The following LRRIQ4 variants were observed in gnomAD, a reference collection of about 807,000 sequenced individuals.
The protein encoded by LRRIQ4 is leucine-rich repeat and IQ domain-containing protein 4.
In LRRIQ4, 21 loss-of-function variants were observed where a neutral mutation model predicts 40.1. The ratio of observed to expected loss-of-function variants is 0.52; its 90% CI spans 0.37 to 0.75. LRRIQ4 has a LOEUF of 0.75. Ranked by LOEUF, LRRIQ4 falls within the 30% of genes least tolerant of loss-of-function variation. The pLI is 0.00. For missense variants in LRRIQ4, 655 were observed against 660.0 expected (o/e 0.99, Z 0.08); for synonymous variants, 277 against 277.1 (o/e 1.00, Z 0.00).
At chr3:169,818,084 A>T (rs1296819893) in intron 1 of LRRIQ4, among the ~76,000 whole-genome samples, 1 of 152,188 alleles carries the variant, frequency 6.6e-6, no homozygotes, top group African/African-American at 2.4e-5. Flanking sequence ...GGGCTGGTCT[A>T]AATGCTCCCT....
At position 169,837,487 on chromosome 3, in the gene LRRIQ4, A is replaced by G. The variant is rs112011297; in HGVS notation, c.1539A>G (p.Ala513=). Residue 513 remains alanine (A), a synonymous_variant, in exon 6 of 6, where the codon GCA becomes GCG. Coordinates refer to ENST00000340806, the MANE Select transcript of LRRIQ4 (RefSeq NM_001080460.3). The part of the protein sequence containing the change: ...NRNIMATKIQ[A]WWRGTMVQRG... Reference sequence around the variant, plus strand: ...GTTTATCTTGTTTTCAGATTCAGGCATGGTGGCGTGGAACAATGGTACAGA... The same window carrying G: ...GTTTATCTTGTTTTCAGATTCAGGCGTGGTGGCGTGGAACAATGGTACAGA... 5.7e-3 allele frequency: 9,124 copies of G among 1,605,496 alleles called. 36 individuals carry two copies. Among genetic ancestry groups the G allele is most frequent in the Non-Finnish European group, 6.8e-3 (7,983 of 1,177,752 alleles).
rs756647335 is a variant in LRRIQ4 at position 169,830,477 on chromosome 3, C to G, written c.1195-15C>G. The G allele has an allele frequency of 6.7e-7, 1 of 1,484,950 alleles. No individual in the cohort carries two copies. The highest frequency in any genetic ancestry group is 1.2e-5 in the South Asian group (1 of 85,102). 92.0% of individuals were successfully genotyped at this position (1,484,950 alleles called of 1,614,324 possible). On this transcript the variant is annotated splice_polypyrimidine_tract_variant and intron_variant, in intron 3 of 5. Transcript: ENST00000340806. ...AATCAAGGTATATTATTATGGTACA[C>G]TCATGTTATTTCAGAGTCTCAAAGA... is the stretch of plus-strand genomic sequence containing the variant.
At chr3:169,827,593 C>T (rs959361092) in intron 2 of LRRIQ4, among the ~76,000 whole-genome samples, 1 of 117,374 alleles carries the variant, frequency 8.5e-6, no homozygotes, top group Non-Finnish European at 1.6e-5. Flanking sequence ...GGCGGCAGAG[C>T]GAGACTCCGT....
chr3:169,822,291 C>A lies in LRRIQ4; in HGVS notation c.370C>A (p.Arg124=), dbSNP rs1012245295. ...VSFLHALREL[R]LYQTDLKEIP... ...CTTCCTCCACGCCCTGCGCGAGCTC[C>A]GGCTCTACCAGACCGACCTGAAGGA... Residue 124 remains arginine (R), a synonymous_variant, in exon 2 of 6, where the codon CGG becomes AGG. Coordinates refer to ENST00000340806, the MANE Select transcript of LRRIQ4 (RefSeq NM_001080460.3). The A allele has an allele frequency of 2.5e-6, 4 of 1,613,452 alleles. No individual in the cohort carries two copies. In the African/African-American group the frequency reaches 4.0e-5, roughly 16 times the overall value.
chr3:169,832,926 G>A (rs1780214374), intron 4 of LRRIQ4, 61 bp from the exon 5 acceptor site: 1 of 1,438,940 alleles, frequency 6.9e-7, no homozygotes, highest in Non-Finnish European at 9.6e-7. Context: ...GACAGGATTA[G>A]GTGACAAGTT....
At chr3:169,833,278 C>A in intron 5 of LRRIQ4, 95 bp downstream of exon 5, 2 of 985,544 alleles carry the variant, frequency 2.0e-6, no homozygotes, top group Non-Finnish European at 2.9e-6. Context: ...TCCTTACACC[C>A]TTGTCCTGCT....
chr3:169,828,171 A>G (rs893862508), intron 2 of LRRIQ4, among the ~76,000 whole-genome samples: 1 of 152,194 alleles, frequency 6.6e-6, no homozygotes, highest in African/African-American at 2.4e-5. Flanking sequence ...TTTTCTTTCT[A>G]TAGTGTCAAA....
chr3:169,830,389 A>AAAAAAAAAAAAAAC (rs1780137863), intron 3 of LRRIQ4, 103 bp from the exon 4 acceptor site: 1 of 374,872 alleles, frequency 2.7e-6, no homozygotes, highest in Non-Finnish European at 3.9e-6. Context: ...AAAAAAAAAA[A>AAAAAAAAAAAAAAC]AAAAAAAAAA....
chr3:169,837,026 T>C (rs1050829468), intron 5 of LRRIQ4, among the ~76,000 whole-genome samples: 1 of 151,860 alleles, frequency 6.6e-6, no homozygotes, highest in Non-Finnish European at 1.5e-5. Context: ...GGGAATAGGA[T>C]CCAGGGAACA....
chr3:169,814,030 T>A (rs1779701896), intron 1 of LRRIQ4, among the ~76,000 whole-genome samples: 1 of 152,140 alleles, frequency 6.6e-6, no homozygotes, highest in Admixed American at 6.5e-5. Context: ...TTTTGCTGTG[T>A]ATAGGCGGCT....
chr3:169,830,081 A>G (rs950022254), intron 3 of LRRIQ4, among the ~76,000 whole-genome samples: 6 of 152,188 alleles, frequency 3.9e-5, no homozygotes, highest in African/African-American at 7.2e-5. Context: ...CATTTTGGCT[A>G]CTTTCACTGA....
Position 169,822,168 on chromosome 3 carries a change from CTGA to C in LRRIQ4, c.248_250del (p.Leu83del). On this transcript the variant is annotated inframe_deletion, in exon 2 of 6. Transcript: ENST00000340806. ...GGTCCTCTACCTGGATAAGAACAAC[CTGA>C]GGAGCCTGTGCCCGGCGCTGGGGCT... 6.2e-7 allele frequency: 1 copy of C among 1,610,332 alleles called. No individual in the cohort carries two copies. The highest frequency in any genetic ancestry group is 8.5e-7 in the Non-Finnish European group (1 of 1,179,030).
chr3:169,829,446 T>C (rs895436722), intron 3 of LRRIQ4, among the ~76,000 whole-genome samples: 2 of 151,760 alleles, frequency 1.3e-5, no homozygotes, highest in Non-Finnish European at 2.9e-5. Context: ...TCATTCAAAG[T>C]AGCCATAGTA....
chr3:169,819,196 A>T (rs80349833), intron 1 of LRRIQ4, among the ~76,000 whole-genome samples: 2,383 of 152,310 alleles, frequency 0.016, 64 homozygotes, highest in African/African-American at 0.054. Flanking sequence ...CCCTTTCTCA[A>T]TTACTGTGGC....
chr3:169,815,289 T>G (rs1032642968), intron 1 of LRRIQ4, among the ~76,000 whole-genome samples: 16 of 152,274 alleles, frequency 1.1e-4, no homozygotes, highest in East Asian at 3.9e-4. Context: ...TTTCCTTTTT[T>G]TGTGTGTGTG....
chr3:169,821,474 T>C (rs967097155), intron 1 of LRRIQ4, among the ~76,000 whole-genome samples: 2 of 136,996 alleles, frequency 1.5e-5, no homozygotes, highest in South Asian at 4.6e-4. Context: ...TCTACTAAAA[T>C]TACAAAAAAA....
In LRRIQ4 at chr3:169,822,942, G is replaced by A. The variant is rs749997347; in HGVS notation, c.1020+1G>A. 2.0e-6 allele frequency: 3 copies of A among 1,515,140 alleles called. No homozygotes were observed. The Admixed American group carries it at 6.8e-5, about 35-fold the overall frequency. The allele number at this position is 1,515,140 out of a possible 1,614,324, so 93.9% of individuals were successfully genotyped here. Reference sequence around the variant, plus strand: ...ACTGGATGACAATAAAATAGGACAGGTACGGATTCCTTTTCTGGCTGTCAC... The same window carrying A: ...ACTGGATGACAATAAAATAGGACAGATACGGATTCCTTTTCTGGCTGTCAC... On this transcript the variant is annotated splice_donor_variant, in intron 2 of 5. Transcript: ENST00000340806. LOFTEE classifies it high-confidence loss of function.
intron 2 of LRRIQ4, among the ~76,000 whole-genome samples, chr3:169,823,599 G>A (rs948155175): frequency 6.6e-6 from 1 of 152,128 alleles, no homozygotes; most frequent in Admixed American, 6.5e-5. Flanking sequence ...GCCCGCCTCG[G>A]CCTCCCAAAG....
rs1779905557 is a variant in LRRIQ4 at position 169,822,077 on chromosome 3, A to G, written c.156A>G (p.Glu52=). ...LEIFTFTELE[E]VHLENNQIEE... ...TCTTCACATTCACAGAATTAGAAGAAGTGCATTTGGAGAATAACCAGATTG... is the reference window on the plus strand; with the variant it reads ...TCTTCACATTCACAGAATTAGAAGAGGTGCATTTGGAGAATAACCAGATTG... The change falls in exon 2 of 6, where the codon GAA becomes GAG. Residue 52 remains glutamate, a synonymous_variant. Transcript: ENST00000340806. 1.9e-6 allele frequency: 3 copies of G among 1,606,960 alleles called. No individual in the cohort carries two copies. The highest frequency in any genetic ancestry group is 1.3e-5 in the African/African-American group (1 of 74,502).
Sources: gnomAD v4.1 joint callset for allele counts (sites outside exome capture counted in the v4.1 genomes callset) on GRCh38, gnomAD v4.1.1 for gene constraint, MANE v1.5 for transcripts, NCBI Gene and HGNC (gene_info 2026-07-23, HGNC 2026-07-21) for gene names.